The following SGCZ variants were observed in gnomAD, a reference collection of about 807,000 sequenced individuals.
SGCZ encodes the protein sarcoglycan zeta.
Under a neutral mutation model 41.3 loss-of-function variants are expected in SGCZ, and 40 were observed. The observed-to-expected ratio is 0.97, with a 90% CI of 0.75 to 1.26. SGCZ has a LOEUF of 1.26. Ranked by LOEUF, SGCZ falls within the 50% of genes most tolerant of loss-of-function variation. SGCZ has a pLI of 0.00. For missense variants in SGCZ, 552 were observed against 369.8 expected (o/e 1.49, Z -4.04); for synonymous variants, 206 against 137.5 (o/e 1.50, Z -3.49).
Position 14,090,655 on chromosome 8 carries a change from T to C in SGCZ, c.745-18A>G, listed in dbSNP as rs907023474. On this transcript the variant is annotated intron_variant, in intron 7 of 7. Transcript: ENST00000382080. Reference sequence around the variant, plus strand: ...AAAAATATCTATGGGAAAAAAGAAATTGCATTTTAATTCATTTTAGAAATG... The same window carrying C: ...AAAAATATCTATGGGAAAAAAGAAACTGCATTTTAATTCATTTTAGAAATG... 3 of 1,603,344 alleles carry C rather than the reference T, an allele frequency of 1.9e-6. No homozygotes were observed. The highest frequency in any genetic ancestry group is 2.7e-5 in the African/African-American group (2 of 74,232).
At chr8:14,594,020 C>A (rs1805324710) in intron 1 of SGCZ, among the ~76,000 whole-genome samples, 1 of 151,640 alleles carries the variant, frequency 6.6e-6, no homozygotes, top group African/African-American at 2.4e-5. Context: ...TCTAAAAATA[C>A]AAAAATTAGC....
intron 2 of SGCZ, among the ~76,000 whole-genome samples, chr8:14,336,458 A>G (rs568485091): frequency 6.6e-6 from 1 of 152,282 alleles, no homozygotes; most frequent in Admixed American, 6.5e-5. Context: ...TATACCCAGT[A>G]ATGGGATTTC....
chr8:15,237,027 C>T (rs1011615706), intron 1 of SGCZ, among the ~76,000 whole-genome samples: 3 of 152,216 alleles, frequency 2.0e-5, no homozygotes, highest in Admixed American at 6.5e-5. Context: ...GGAAACACTG[C>T]CCGCGGGCGG....
At chr8:14,217,877 C>A (rs1039015115) in intron 4 of SGCZ, among the ~76,000 whole-genome samples, 4 of 151,784 alleles carry the variant, frequency 2.6e-5, no homozygotes, top group Admixed American at 2.0e-4. Flanking sequence ...GTGATCCACC[C>A]GCCTCAGCCT....
chr8:14,451,136 T>C (rs1234398728), intron 2 of SGCZ, among the ~76,000 whole-genome samples: 1 of 152,212 alleles, frequency 6.6e-6, no homozygotes, highest in Non-Finnish European at 1.5e-5. Flanking sequence ...CAGGGTTTCC[T>C]TTAAAGTATT....
intron 4 of SGCZ, among the ~76,000 whole-genome samples, chr8:14,215,649 G>C (rs1805968006): frequency 6.6e-6 from 1 of 151,894 alleles, no homozygotes; most frequent in East Asian, 1.9e-4. Context: ...TATCACAAAA[G>C]AAAGAGACCA....
chr8:14,459,441 A>G (rs1251253183), intron 2 of SGCZ, among the ~76,000 whole-genome samples: 1 of 152,182 alleles, frequency 6.6e-6, no homozygotes, highest in African/African-American at 2.4e-5. Context: ...AAAAATAAAA[A>G]AAGAAGAAAA....
chr8:14,543,692 A>T (rs533040953), intron 2 of SGCZ, among the ~76,000 whole-genome samples: 41 of 152,258 alleles, frequency 2.7e-4, no homozygotes, highest in African/African-American at 8.9e-4. Flanking sequence ...CTTGGACTAC[A>T]CTGGTTATTT....
At chr8:14,634,386 G>C (rs149029610) in intron 1 of SGCZ, among the ~76,000 whole-genome samples, 364 of 151,424 alleles carry the variant, frequency 2.4e-3, no homozygotes, top group Non-Finnish European at 4.5e-3. Context: ...TGTGTTTTTT[G>C]TGTATTTTTT....
intron 1 of SGCZ, among the ~76,000 whole-genome samples, chr8:14,795,428 G>GT (rs67931216): frequency 5.9e-4 from 89 of 150,896 alleles, no homozygotes; most frequent in Admixed American, 1.7e-3. Flanking sequence ...ATACTTTGGG[G>GT]TTTTTTTTTC....
intron 5 of SGCZ, among the ~76,000 whole-genome samples, chr8:14,140,452 G>C (rs146663040): frequency 1.3e-5 from 2 of 151,984 alleles, no homozygotes; most frequent in Non-Finnish European, 2.9e-5. Context: ...TCCTTAAGCT[G>C]ATAAGCAACT....
intron 1 of SGCZ, among the ~76,000 whole-genome samples, chr8:14,644,147 G>C (rs527515030): frequency 4.0e-5 from 6 of 151,768 alleles, no homozygotes; most frequent in African/African-American, 1.2e-4. Context: ...CACTTGGCTA[G>C]GCTATGGTGC....
chr8:14,127,074 G>A (rs993089817), intron 5 of SGCZ, among the ~76,000 whole-genome samples: 5 of 152,012 alleles, frequency 3.3e-5, no homozygotes, highest in Admixed American at 2.6e-4. Context: ...AACCACCATG[G>A]CTTACCTATG....
chr8:14,309,294 C>A (rs1031902212), intron 3 of SGCZ: 7 of 1,581,520 alleles, frequency 4.4e-6, no homozygotes, highest in East Asian at 4.5e-5. Flanking sequence ...TGTGACTACT[C>A]ACTTTTTAAG....
At chr8:15,122,736 AT>A in intron 1 of SGCZ, among the ~76,000 whole-genome samples, 1 of 152,302 alleles carries the variant, frequency 6.6e-6, no homozygotes, top group Middle Eastern at 3.4e-3. Context: ...TACTAAAAAA[AT>A]CAAACTCTCA....
intron 1 of SGCZ, among the ~76,000 whole-genome samples, chr8:15,029,161 A>C (rs1483179658): frequency 2.0e-5 from 3 of 152,094 alleles, no homozygotes; most frequent in African/African-American, 7.2e-5. Flanking sequence ...TAACAAAACC[A>C]AACAGCAAGC....
intron 5 of SGCZ, among the ~76,000 whole-genome samples, chr8:14,146,890 A>AAAAAAAAAAATAATAATAAT (rs1182329393): frequency 2.6e-5 from 3 of 116,264 alleles, no homozygotes; most frequent in South Asian, 5.1e-4. Context: ...AAAATAAAAA[A>AAAAAAAAAAATAATAATAAT]AATAATAATA....
At chr8:14,102,098 ATATATAAT>A (rs1563127120) in intron 7 of SGCZ, among the ~76,000 whole-genome samples, 2,471 of 118,952 alleles carry the variant, frequency 0.021, 93 homozygotes, top group African/African-American at 0.076. Context: ...ATATATATAT[ATATATAAT>A]TTTTTTTTTT....
intron 1 of SGCZ, among the ~76,000 whole-genome samples, chr8:14,847,592 A>G (rs948934120): frequency 6.6e-6 from 1 of 150,680 alleles, no homozygotes; most frequent in African/African-American, 2.4e-5. Flanking sequence ...AAAAATTATC[A>G]GAAAGTAGGA....
Sources: gnomAD v4.1 joint callset for allele counts (sites outside exome capture counted in the v4.1 genomes callset) on GRCh38, gnomAD v4.1.1 for gene constraint, MANE v1.5 for transcripts, NCBI Gene and HGNC (gene_info 2026-07-23, HGNC 2026-07-21) for gene names.